ZNF423: variants seen among roughly 807,000 people sequenced by gnomAD.
ZNF423 encodes zinc finger protein 423, also known as Ebf-associated zinc finger protein.
A neutral mutation model predicts 95.8 loss-of-function variants in ZNF423; 12 were observed. That is an observed-to-expected ratio of 0.13 (90% confidence interval 0.08 to 0.20). The LOEUF (loss-of-function observed/expected upper bound fraction) is 0.20, where lower values mean the gene tolerates loss of function less well. Among genes scored for constraint, ZNF423 ranks in the 10% least tolerant of loss-of-function variants. The pLI, the probability that ZNF423 is intolerant of heterozygous loss-of-function variation, is 1.00. For missense variants in ZNF423, 1,316 were observed against 1,737.1 expected (o/e 0.76, Z 4.31); for synonymous variants, 749 against 711.9 (o/e 1.05, Z -0.83).
chr16:49,757,151 T>C (rs1232290821), intron 2 of ZNF423, among the ~76,000 whole-genome samples: 1 of 152,206 alleles, frequency 6.6e-6, no homozygotes, highest in Admixed American at 6.5e-5. Context: ...CACTCCTGTG[T>C]CCTCCACAAC....
intron 5 of ZNF423, among the ~76,000 whole-genome samples, chr16:49,623,450 G>A (rs898619226): frequency 3.9e-5 from 6 of 152,224 alleles, no homozygotes; most frequent in African/African-American, 1.4e-4. Flanking sequence ...GAGGAGGGAG[G>A]GGGCAGAAAC....
chr16:49,845,768 T>A (rs1266445229), intron 1 of ZNF423, among the ~76,000 whole-genome samples: 1 of 151,912 alleles, frequency 6.6e-6, no homozygotes, highest in Non-Finnish European at 1.5e-5. Context: ...GGTCTCGAAC[T>A]CCTGAGCTCA....
At chr16:49,719,703 C>T (rs2032809558) in intron 3 of ZNF423, among the ~76,000 whole-genome samples, 1 of 152,190 alleles carries the variant, frequency 6.6e-6, no homozygotes, top group Non-Finnish European at 1.5e-5. Flanking sequence ...TCCTTGCTAC[C>T]CCTTCACCTT....
At chr16:49,562,433 A>G (rs1352852313) in intron 5 of ZNF423, among the ~76,000 whole-genome samples, 1 of 152,232 alleles carries the variant, frequency 6.6e-6, no homozygotes. Flanking sequence ...TGCTTGGCGC[A>G]GTGCCTGGCC....
intron 5 of ZNF423, among the ~76,000 whole-genome samples, chr16:49,560,171 G>A (rs1329322902): frequency 6.6e-6 from 1 of 152,220 alleles, no homozygotes; most frequent in East Asian, 1.9e-4. Flanking sequence ...CATCACGGCA[G>A]TGACGACAGC....
intron 2 of ZNF423, among the ~76,000 whole-genome samples, chr16:49,774,753 G>A (rs561866643): frequency 2.0e-3 from 309 of 152,262 alleles, no homozygotes; most frequent in Middle Eastern, 3.4e-3. Flanking sequence ...AGGGGACACC[G>A]TGAGTGAGGT....
At position 49,708,306 on chromosome 16, in the gene ZNF423, T is replaced by C. The variant is rs1021883886; in HGVS notation, c.301+22465A>G. 6 of 152,010 alleles carry C rather than the reference T, an allele frequency of 3.9e-5. 1 individual carries two copies. The highest frequency in any genetic ancestry group is 1.5e-4 in the African/African-American group (6 of 41,364). The allele number at this position is 152,010 out of a possible 1,614,324, so 9.4% of individuals were successfully genotyped here. A position where few individuals can be genotyped will look rare whatever the true frequency, so the allele number is the denominator to read the frequency against. ...CCACTTTTTTCTTTTCTTTTTTTTTTCTTTTTTGAGGTAGAGTCTTACTCT... is the reference window on the plus strand; with the variant it reads ...CCACTTTTTTCTTTTCTTTTTTTTTCCTTTTTTGAGGTAGAGTCTTACTCT... On this transcript the variant is annotated intron_variant, in intron 3 of 7. Transcript: ENST00000563137.
intron 5 of ZNF423, among the ~76,000 whole-genome samples, chr16:49,529,007 G>A (rs1358870961): frequency 1.3e-5 from 2 of 151,684 alleles, no homozygotes; most frequent in Non-Finnish European, 2.9e-5. Context: ...CACAGTGCTC[G>A]GCCGACACCT....
rs534895949 is a variant in ZNF423, at chr16:49,709,168, T to TTATATATATATATA, written c.301+21589_301+21602dup. On this transcript the variant is annotated intron_variant, in intron 3 of 7. Coordinates refer to ENST00000563137, the MANE Select transcript of ZNF423 (RefSeq NM_001379286.1). ...AAAAACTCAAACGTTCAGCAGCCGT[T>TTATATATATATATA]TATATATATATATATGAAAACGGAG... is the stretch of plus-strand genomic sequence containing the variant. Among the ~76,000 whole-genome samples the TTATATATATATATA allele has an allele frequency of 1.3e-3, 126 of 93,452 alleles. 6 individuals carry two copies. The highest frequency in any genetic ancestry group is 5.7e-3 in the African/African-American group (116 of 20,346). The allele number at this position is 93,452 out of a possible 152,430, so 61.3% of individuals were successfully genotyped here.
intron 7 of ZNF423, among the ~76,000 whole-genome samples, chr16:49,504,837 C>T (rs1967567828): frequency 6.6e-6 from 1 of 152,112 alleles, no homozygotes; most frequent in Non-Finnish European, 1.5e-5. Context: ...GCTCCCAGTG[C>T]CAGCTAGTGG....
intron 3 of ZNF423, among the ~76,000 whole-genome samples, chr16:49,715,269 C>A (rs1477417232): frequency 6.6e-6 from 1 of 152,146 alleles, no homozygotes; most frequent in African/African-American, 2.4e-5. Flanking sequence ...TTGAAGGGAG[C>A]CGCTGCTGCA....
chr16:49,640,392 G>A (rs1473772645), intron 3 of ZNF423, among the ~76,000 whole-genome samples: 3 of 151,928 alleles, frequency 2.0e-5, no homozygotes, highest in Non-Finnish European at 2.9e-5. Flanking sequence ...ACATGCACAC[G>A]CTCATGTACA....
At position 49,525,401 on chromosome 16, in the gene ZNF423, C is replaced by A. The variant is rs753674596; in HGVS notation, c.3695G>T (p.Gly1232Val). The change falls in exon 6 of 8, where the codon GGC becomes GTC. Residue 1232 changes from glycine (G) to valine (V), a missense_variant. Gly to Val is a moderately radical substitution (Grantham distance 109, BLOSUM62 -3). Around this residue, in one of 6 missense-constraint regions of ZNF423, gnomAD observed 75 missense variants for 163.5 expected, o/e 0.46. Coordinates refer to ENST00000563137, the MANE Select transcript of ZNF423 (RefSeq NM_001379286.1). ...GGGGCATTTGAAGGTGCCGCCCATG[C>A]CCTCGAAGCTGTGCTCAATGAGGTG... ...LCHLIEHSFE[G>V]MGGTFKCPVC... The A allele has an allele frequency of 6.2e-7, 1 of 1,614,078 alleles. No homozygotes were observed. The highest frequency in any genetic ancestry group is 1.1e-5 in the South Asian group (1 of 91,074).
intron 5 of ZNF423, among the ~76,000 whole-genome samples, chr16:49,568,078 G>C (rs1970247861): frequency 6.6e-6 from 1 of 152,144 alleles, no homozygotes; most frequent in Admixed American, 6.5e-5. Context: ...TCTGGATAAA[G>C]AGACTGGGTC....
intron 3 of ZNF423, among the ~76,000 whole-genome samples, chr16:49,666,862 G>T (rs1163719902): frequency 6.6e-6 from 1 of 152,068 alleles, no homozygotes; most frequent in Non-Finnish European, 1.5e-5. Context: ...AAGGCCAGGG[G>T]AGTGGGGCTG....
chr16:49,754,929 C>G (rs80139903), intron 2 of ZNF423, among the ~76,000 whole-genome samples: 271 of 152,354 alleles, frequency 1.8e-3, no homozygotes, highest in Non-Finnish European at 3.1e-3. Flanking sequence ...GGTTCAACTT[C>G]CTTTGTGTTA....
intron 1 of ZNF423, chr16:49,854,578 C>T: frequency 1.0e-6 from 1 of 985,454 alleles, no homozygotes; most frequent in Non-Finnish European, 1.2e-6. Context: ...GACTTAGCCG[C>T]TCTCATCGTT....
At chr16:49,582,642 A>G (rs896387698) in intron 5 of ZNF423, among the ~76,000 whole-genome samples, 5 of 152,244 alleles carry the variant, frequency 3.3e-5, no homozygotes, top group Admixed American at 6.5e-5. Flanking sequence ...ATAAACATCA[A>G]TAAGAGTGGT....
intron 2 of ZNF423, among the ~76,000 whole-genome samples, chr16:49,768,416 T>C (rs1326863384): frequency 6.6e-6 from 1 of 152,196 alleles, no homozygotes; most frequent in Non-Finnish European, 1.5e-5. Flanking sequence ...TCCACACGTC[T>C]CCTGCAACCT....
Sources: allele counts gnomAD v4.1 joint callset (sites outside exome capture counted in the v4.1 genomes callset), GRCh38; gene constraint gnomAD v4.1.1; regional missense constraint gnomAD v4.1.1; transcripts MANE v1.5; gene names NCBI Gene and HGNC (gene_info 2026-07-23, HGNC 2026-07-21).